The following DENND5A variants were observed in gnomAD, a reference collection of about 807,000 sequenced individuals.
DENND5A encodes DENN domain-containing protein 5A.
In DENND5A, 64 loss-of-function variants were observed where a neutral mutation model predicts 140.3. That is an observed-to-expected ratio of 0.46 (90% confidence interval 0.37 to 0.56). The LOEUF (loss-of-function observed/expected upper bound fraction) is 0.56. Ranked by LOEUF, DENND5A falls within the 20% of genes least tolerant of loss-of-function variation. The pLI, the probability that DENND5A is intolerant of heterozygous loss-of-function variation, is 0.00. For missense variants in DENND5A, 1,292 were observed against 1,593.8 expected (o/e 0.81, Z 3.22); for synonymous variants, 605 against 607.7 (o/e 1.00, Z 0.07).
chr11:9,173,757 A>C (rs1195963525), intron 8 of DENND5A, among the ~76,000 whole-genome samples: 1 of 152,262 alleles, frequency 6.6e-6, no homozygotes, highest in Non-Finnish European at 1.5e-5. Flanking sequence ...CAACTGCTAA[A>C]ATAACACAAG....
At chr11:9,252,470 G>T (rs552014191) in intron 1 of DENND5A, among the ~76,000 whole-genome samples, 60 of 151,944 alleles carry the variant, frequency 3.9e-4, no homozygotes, top group African/African-American at 1.4e-3. Flanking sequence ...CCAACATGAC[G>T]AAAGCGTCTT....
In DENND5A at chr11:9,216,411, G is replaced by C. The variant is rs1850095988; in HGVS notation, c.110-8779C>G. Among the ~76,000 whole-genome samples the C allele has an allele frequency of 2.0e-5, 3 of 152,184 alleles. No individual in the cohort carries two copies. In the South Asian group the frequency reaches 6.2e-4, roughly 31 times the overall value. The stretch of plus-strand genomic sequence containing the variant: ...TTGCTAAAACAATGGAGGATGGGGA[G>C]TGGCATAAACCCACAAAATCAGAGT... On this transcript the variant is annotated intron_variant, in intron 1 of 22. Coordinates refer to ENST00000328194, the MANE Select transcript of DENND5A (RefSeq NM_015213.4).
chr11:9,173,470 C>CTTTT (rs1414586766), intron 8 of DENND5A, among the ~76,000 whole-genome samples: 1 of 152,172 alleles, frequency 6.6e-6, no homozygotes, highest in African/African-American at 2.4e-5. Flanking sequence ...AAATAGATGA[C>CTTTT]AATAGCACGT....
At chr11:9,158,574 T>C (rs965935576) in intron 12 of DENND5A, among the ~76,000 whole-genome samples, 2 of 151,790 alleles carry the variant, frequency 1.3e-5, no homozygotes, top group Non-Finnish European at 2.9e-5. Context: ...TAAATTAATA[T>C]AAAATAAAAT....
chr11:9,179,499 C>CTT, intron 6 of DENND5A, among the ~76,000 whole-genome samples: 1 of 141,964 alleles, frequency 7.0e-6, no homozygotes. Flanking sequence ...TGCAAAAAAA[C>CTT]CTTTTTTTTT....
intron 5 of DENND5A, among the ~76,000 whole-genome samples, chr11:9,185,502 C>G (rs1399922432): frequency 2.0e-5 from 3 of 152,046 alleles, no homozygotes; most frequent in Non-Finnish European, 4.4e-5. Flanking sequence ...CTCCCTATGC[C>G]AACAAGTCAT....
chr11:9,264,882 G>A, intron 1 of DENND5A, 79 bp downstream of exon 1: 2 of 1,286,388 alleles, frequency 1.6e-6, no homozygotes, highest in Non-Finnish European at 2.2e-6. Context: ...GGGACAAAGC[G>A]GGGCTGAAGG....
At chr11:9,179,272 CAA>C (rs1455347385) in intron 6 of DENND5A, among the ~76,000 whole-genome samples, 199 bp from the exon 7 acceptor site, 2 of 151,916 alleles carry the variant, frequency 1.3e-5, no homozygotes, top group African/African-American at 2.4e-5. Context: ...AGAGAAAAGT[CAA>C]AGAGTTTCAC....
At chr11:9,201,350 G>A (rs768212476) in intron 4 of DENND5A, among the ~76,000 whole-genome samples, 6 of 151,218 alleles carry the variant, frequency 4.0e-5, no homozygotes, top group Non-Finnish European at 8.8e-5. Flanking sequence ...ACTCTAGCCT[G>A]GGTGATAGAA....
At chr11:9,225,983 G>A (rs1850513872) in intron 1 of DENND5A, among the ~76,000 whole-genome samples, 1 of 152,022 alleles carries the variant, frequency 6.6e-6, no homozygotes, top group South Asian at 2.1e-4. Context: ...GGAAGGCTGA[G>A]GTGGGAGGAC....
intron 3 of DENND5A, among the ~76,000 whole-genome samples, chr11:9,205,968 G>A (rs1052287860): frequency 5.9e-5 from 9 of 152,180 alleles, no homozygotes; most frequent in African/African-American, 1.4e-4. Flanking sequence ...AGACTACAGT[G>A]CTCAAACTCC....
At position 9,144,304 on chromosome 11, in the gene DENND5A, G is replaced by C. The variant is rs757524188; in HGVS notation, c.3123-26C>G. ...CTGAAGATCAGACAATGGACTGTCA[G>C]AGCAGCCAGCTCCTCCCTGCTGCTC... On this transcript the variant is annotated intron_variant, in intron 18 of 22. Coordinates refer to ENST00000328194, the MANE Select transcript of DENND5A (RefSeq NM_015213.4). 5 of 1,611,692 alleles carry C rather than the reference G, an allele frequency of 3.1e-6. No homozygotes were observed. The African/African-American group carries it at 6.7e-5, about 22-fold the overall frequency.
chr11:9,192,669 A>C (rs573893439), intron 5 of DENND5A, among the ~76,000 whole-genome samples: 4 of 151,618 alleles, frequency 2.6e-5, no homozygotes, highest in East Asian at 1.9e-4. Flanking sequence ...CTCTACCCCC[A>C]AAAAAATGGT....
intron 4 of DENND5A, among the ~76,000 whole-genome samples, chr11:9,194,278 C>T (rs1018831076): frequency 6.6e-6 from 1 of 152,104 alleles, no homozygotes; most frequent in African/African-American, 2.4e-5. Context: ...AAAAGCTTCC[C>T]TAGAGGCTGG....
chr11:9,141,930 T>A lies in DENND5A; in HGVS notation c.3680+10A>T. ...ACCGCTGTGCACTCTGGGCCCTGGG[T>A]CTGCAGTACCTGGCTCCCAAGCACA... is the stretch of plus-strand genomic sequence containing the variant. On this transcript the variant is annotated intron_variant, in intron 22 of 22. Coordinates refer to ENST00000328194, the MANE Select transcript of DENND5A (RefSeq NM_015213.4). 6.4e-7 allele frequency: 1 copy of A among 1,570,468 alleles called. No individual in the cohort carries two copies. Among genetic ancestry groups the A allele is most frequent in the Non-Finnish European group, 8.6e-7 (1 of 1,156,402 alleles).
intron 1 of DENND5A, among the ~76,000 whole-genome samples, chr11:9,241,077 C>A (rs1164787252): frequency 2.6e-5 from 4 of 152,120 alleles, no homozygotes; most frequent in Non-Finnish European, 5.9e-5. Flanking sequence ...CTCATGTAAT[C>A]CTCACAAGCT....
intron 1 of DENND5A, among the ~76,000 whole-genome samples, chr11:9,225,536 G>T (rs149523298): frequency 6.6e-6 from 1 of 152,262 alleles, no homozygotes; most frequent in South Asian, 2.1e-4. Context: ...GAAGCCAGCC[G>T]ATCACTTGTG....
At position 9,146,956 on chromosome 11, in the gene DENND5A, G is replaced by A; in HGVS notation, c.2857+74C>T. The A allele has an allele frequency of 2.0e-6, 3 of 1,511,984 alleles. No homozygotes were observed. The South Asian group carries it at 3.4e-5, about 17-fold the overall frequency. The allele number at this position is 1,511,984 out of a possible 1,614,324, so 93.7% of individuals were successfully genotyped here. A position where few individuals can be genotyped will look rare whatever the true frequency, so the allele number is the denominator to read the frequency against. Reference sequence around the variant, plus strand: ...GATAATCTTCTTTCTTTAAAAAGGGGACAATGAGTGAGTCTCAGGCAGGTT... The same window carrying A: ...GATAATCTTCTTTCTTTAAAAAGGGAACAATGAGTGAGTCTCAGGCAGGTT... On this transcript the variant is annotated intron_variant, in intron 16 of 22. Transcript: ENST00000328194.
intron 1 of DENND5A, among the ~76,000 whole-genome samples, chr11:9,226,124 T>A (rs776126322): frequency 6.6e-6 from 1 of 152,208 alleles, no homozygotes; most frequent in Admixed American, 6.5e-5. Context: ...ATCACCATTA[T>A]CATCAATCAG....
Sources: gnomAD v4.1 joint callset for allele counts (sites outside exome capture counted in the v4.1 genomes callset) on GRCh38, gnomAD v4.1.1 for gene constraint, MANE v1.5 for transcripts, NCBI Gene and HGNC (gene_info 2026-07-23, HGNC 2026-07-21) for gene names.